Variants in PDE4D observed in about 807,000 individuals in gnomAD.
PDE4D encodes the protein phosphodiesterase 4D, also known as 3',5'-cyclic-AMP phosphodiesterase 4D.
A neutral mutation model predicts 87.4 loss-of-function variants in PDE4D; 24 were observed. The ratio of observed to expected loss-of-function variants is 0.27; its 90% CI spans 0.20 to 0.39. The LOEUF (loss-of-function observed/expected upper bound fraction) is 0.39. Ranked by LOEUF, PDE4D falls within the 10% of genes least tolerant of loss-of-function variation. The pLI is 1.00. For synonymous variants in PDE4D, 384 were observed against 383.2 expected (o/e 1.00, Z -0.02); for missense variants, 714 against 1,041.0 (o/e 0.69, Z 4.32).
At chr5:59,467,918 T>C (rs907436371) in intron 1 of PDE4D, among the ~76,000 whole-genome samples, 3 of 152,226 alleles carry the variant, frequency 2.0e-5, no homozygotes, top group Non-Finnish European at 4.4e-5. Context: ...TTTAAGTATA[T>C]AGCTTCATAG....
intron 1 of PDE4D, among the ~76,000 whole-genome samples, chr5:59,868,959 T>A (rs773283897): frequency 6.6e-6 from 1 of 152,236 alleles, no homozygotes. Context: ...TAAGAAAGCA[T>A]CTTTTGTAAG....
chr5:60,108,257 C>T (rs1441323691), intron 2 of PDE4D, among the ~76,000 whole-genome samples: 15 of 151,504 alleles, frequency 9.9e-5, no homozygotes, highest in Non-Finnish European at 1.9e-4. Flanking sequence ...CTCCCATTCA[C>T]AATTGCTTCA....
chr5:58,997,135 C>A (rs1313066556), intron 6 of PDE4D, among the ~76,000 whole-genome samples: 1 of 152,280 alleles, frequency 6.6e-6, no homozygotes, highest in South Asian at 2.1e-4. Context: ...CTGAAGCGTA[C>A]ATTAAGTTAT....
intron 2 of PDE4D, among the ~76,000 whole-genome samples, chr5:60,101,483 C>A (rs1438410501): frequency 6.6e-6 from 1 of 152,016 alleles, no homozygotes; most frequent in Non-Finnish European, 1.5e-5. Context: ...TTGAATCTAC[C>A]TCCAGTGCGA....
intron 1 of PDE4D, among the ~76,000 whole-genome samples, chr5:60,196,837 T>C (rs543328167): frequency 6.6e-6 from 1 of 151,696 alleles, no homozygotes; most frequent in East Asian, 1.9e-4. Flanking sequence ...AAATCTGCTG[T>C]CTGAATACTT....
At chr5:59,573,300 A>G (rs1403325404) in intron 1 of PDE4D, among the ~76,000 whole-genome samples, 1 of 152,164 alleles carries the variant, frequency 6.6e-6, no homozygotes, top group Non-Finnish European at 1.5e-5. Flanking sequence ...TGCTTTGCCA[A>G]CACAACACAG....
At position 59,410,725 on chromosome 5, in the gene PDE4D, T is replaced by G. The variant is rs192947771; in HGVS notation, c.456-194757A>C. Reference sequence around the variant, plus strand: ...TCCATTGTTTATAGGTACTGCATGTTTTTTTGCATCCATTTGTCTGTCGAT... The same window carrying G: ...TCCATTGTTTATAGGTACTGCATGTGTTTTTGCATCCATTTGTCTGTCGAT... On this transcript the variant is annotated intron_variant, in intron 1 of 14. Coordinates refer to ENST00000340635, the MANE Select transcript of PDE4D (RefSeq NM_001104631.2). Among the ~76,000 whole-genome samples, 425 of 152,322 alleles carry G rather than the reference T, an allele frequency of 2.8e-3. No individual in the cohort carries two copies. The South Asian group carries it at 0.033, about 12-fold the overall frequency.
At chr5:59,765,201 T>C (rs962537304) in intron 1 of PDE4D, among the ~76,000 whole-genome samples, 1 of 152,190 alleles carries the variant, frequency 6.6e-6, no homozygotes, top group African/African-American at 2.4e-5. Flanking sequence ...GATCCATGGA[T>C]GATAGTTGCA....
At chr5:60,250,876 C>T (rs997020546) in intron 1 of PDE4D, among the ~76,000 whole-genome samples, 7 of 151,908 alleles carry the variant, frequency 4.6e-5, no homozygotes, top group African/African-American at 9.7e-5. Flanking sequence ...TCATCAGAGA[C>T]GATGGCAGCT....
chr5:60,368,606 G>A (rs991268812), intron 1 of PDE4D, among the ~76,000 whole-genome samples: 5 of 152,100 alleles, frequency 3.3e-5, no homozygotes, highest in African/African-American at 1.2e-4. Flanking sequence ...ATTCTGATAC[G>A]GTTTGGCTCT....
Position 60,039,715 on chromosome 5 carries a change from GT to G in PDE4D, c.43-50999del, listed in dbSNP as rs1768246984. Among the ~76,000 whole-genome samples the G allele has an allele frequency of 2.0e-5, 3 of 152,224 alleles. No homozygotes were observed. The South Asian group carries it at 6.2e-4, about 32-fold the overall frequency. On this transcript the variant is annotated intron_variant, in intron 2 of 16. Coordinates refer to the PDE4D transcript ENST00000502484. Reference sequence around the variant, plus strand: ...TCTTTAGTTTAATCTACACCAAGTAGTATTCATTTACAATTTCTGATATTCA... The same window carrying G: ...TCTTTAGTTTAATCTACACCAAGTAGATTCATTTACAATTTCTGATATTCA...
chr5:59,211,763 T>C (rs1750136102), intron 2 of PDE4D, among the ~76,000 whole-genome samples: 3 of 152,156 alleles, frequency 2.0e-5, no homozygotes, highest in African/African-American at 4.8e-5. Flanking sequence ...ATGATTATTA[T>C]TACTACCATC....
chr5:59,800,070 T>C (rs1295554236), intron 1 of PDE4D, among the ~76,000 whole-genome samples: 1 of 152,052 alleles, frequency 6.6e-6, no homozygotes, highest in Non-Finnish European at 1.5e-5. Context: ...AAGTAGTATG[T>C]GGAAGAAAGG....
intron 1 of PDE4D, among the ~76,000 whole-genome samples, chr5:59,821,739 G>A (rs374604510): frequency 2.6e-5 from 4 of 152,126 alleles, no homozygotes; most frequent in Non-Finnish European, 5.9e-5. Context: ...TAGAGGAGGG[G>A]AGGAAGAAAG....
chr5:59,744,336 C>T (rs745932449), intron 1 of PDE4D, among the ~76,000 whole-genome samples: 12 of 152,126 alleles, frequency 7.9e-5, no homozygotes, highest in South Asian at 2.1e-4. Flanking sequence ...TCTAGACAAA[C>T]TACAACAGAA....
intron 1 of PDE4D, among the ~76,000 whole-genome samples, chr5:60,407,762 ACTTTT>A (rs1202952036): frequency 6.6e-6 from 1 of 151,714 alleles, no homozygotes; most frequent in East Asian, 1.9e-4. Flanking sequence ...CCCTTATATT[ACTTTT>A]AATGGCAAAA....
At chr5:59,787,731 T>C (rs1227174715) in intron 1 of PDE4D, among the ~76,000 whole-genome samples, 4 of 152,232 alleles carry the variant, frequency 2.6e-5, no homozygotes, top group African/African-American at 9.6e-5. Flanking sequence ...CAATTAATAT[T>C]CAGTGACATT....
intron 1 of PDE4D, among the ~76,000 whole-genome samples, chr5:59,259,733 T>C (rs528805225): frequency 2.0e-5 from 3 of 151,974 alleles, no homozygotes; most frequent in Non-Finnish European, 2.9e-5. Context: ...TAATGTTCTA[T>C]TTACCCATCA....
chr5:60,496,128 T>G (rs1749805348), intron 1 of PDE4D, among the ~76,000 whole-genome samples: 1 of 152,200 alleles, frequency 6.6e-6, no homozygotes, highest in African/African-American at 2.4e-5. Flanking sequence ...CAGCTGAGTA[T>G]GTCTACTTAC....
Sources: allele counts gnomAD v4.1 joint callset (sites outside exome capture counted in the v4.1 genomes callset), GRCh38; gene constraint gnomAD v4.1.1; transcripts MANE v1.5; gene names NCBI Gene and HGNC (gene_info 2026-07-23, HGNC 2026-07-21).